Variants in CRACD observed in about 807,000 individuals in gnomAD.
The protein encoded by CRACD is capping protein inhibiting regulator of actin dynamics.
Under a neutral mutation model 106.8 loss-of-function variants are expected in CRACD, and 56 were observed. The ratio of observed to expected loss-of-function variants is 0.52; its 90% CI spans 0.42 to 0.66. The LOEUF (loss-of-function observed/expected upper bound fraction) is 0.66, where lower values mean the gene tolerates loss of function less well. Ranked by LOEUF, CRACD falls within the 30% of genes least tolerant of loss-of-function variation. CRACD has a pLI of 0.00. For missense variants in CRACD, 1,730 were observed against 1,623.2 expected (o/e 1.07, Z -1.13); for synonymous variants, 754 against 670.8 (o/e 1.12, Z -1.92).
At chr4:56,267,155 C>G (rs1295376387) in intron 2 of CRACD, among the ~76,000 whole-genome samples, 1 of 150,856 alleles carries the variant, frequency 6.6e-6, no homozygotes, top group East Asian at 1.9e-4. Context: ...GAGTCTCGCA[C>G]TGTCGCTCGG....
chr4:56,201,524 A>C (rs1169869464), intron 2 of CRACD, among the ~76,000 whole-genome samples: 1 of 152,182 alleles, frequency 6.6e-6, no homozygotes, highest in East Asian at 1.9e-4. Context: ...CTGAGCAGTG[A>C]GCATGTAAGA....
chr4:56,316,425 T>C lies in CRACD; in HGVS notation c.2923T>C (p.Ser975Pro), dbSNP rs778081617. The C allele has an allele frequency of 1.6e-4, 259 of 1,613,876 alleles. No individual in the cohort carries two copies. The highest frequency in any genetic ancestry group is 2.1e-4 in the Non-Finnish European group (251 of 1,179,956). Residue 975 changes from serine (S) to proline (P), a missense_variant, in exon 8 of 11, where the codon TCC becomes CCC. This residue lies in a region of CRACD where 1,620 missense variants were observed against 1,481.6 expected (regional missense o/e 1.09). Transcript: ENST00000682029. Reference sequence around the variant, plus strand: ...GCCCACCAGTCAGACCCCACCAGCATCCCCACTTTCCAAACTGAGCAGGCC... The same window carrying C: ...GCCCACCAGTCAGACCCCACCAGCACCCCCACTTTCCAAACTGAGCAGGCC... ...PKPTSQTPPA[S>P]PLSKLSRPYL...
intron 2 of CRACD, among the ~76,000 whole-genome samples, chr4:56,267,052 A>G (rs973940273): frequency 1.3e-5 from 2 of 152,216 alleles, no homozygotes; most frequent in East Asian, 1.9e-4. Context: ...CAGGAAGTCA[A>G]TGCTAGAAAA....
Position 56,259,230 on chromosome 4 carries a change from C to T in CRACD, c.-188-13091C>T, listed in dbSNP as rs73817434. 9.1e-4 allele frequency among the ~76,000 whole-genome samples: 138 copies of T among 152,124 alleles called. 2 individuals are homozygous for T. Among genetic ancestry groups the T allele is most frequent in the African/African-American group, 3.2e-3 (131 of 41,520 alleles). On this transcript the variant is annotated intron_variant, in intron 2 of 10. Transcript: ENST00000682029. ...GGTCTGCATGACTCACTTCATCTAC[C>T]GGATGGTCAAGCTGGCACCATTGTG...
chr4:56,169,004 T>C (rs926790326), intron 1 of CRACD, among the ~76,000 whole-genome samples: 7 of 152,146 alleles, frequency 4.6e-5, no homozygotes, highest in African/African-American at 1.4e-4. Flanking sequence ...AGTCAAATTA[T>C]TTAAGGTTAC....
At chr4:56,062,710 C>T (rs1045456258) in intron 1 of CRACD, among the ~76,000 whole-genome samples, 2 of 152,154 alleles carry the variant, frequency 1.3e-5, no homozygotes, top group African/African-American at 4.8e-5. Flanking sequence ...GCCTTGTTTC[C>T]TTGGATGGGA....
chr4:56,140,546 A>G (rs1735157870), intron 1 of CRACD, among the ~76,000 whole-genome samples: 1 of 152,072 alleles, frequency 6.6e-6, no homozygotes. Context: ...ATGAATTTTT[A>G]TTTCTTATTC....
intron 1 of CRACD, among the ~76,000 whole-genome samples, chr4:56,149,519 C>T (rs1052170941): frequency 5.9e-5 from 9 of 152,134 alleles, no homozygotes; most frequent in African/African-American, 2.2e-4. Context: ...TAAATTTGCA[C>T]ATAAAACTCC....
At chr4:56,051,031 G>C (rs552626652) in intron 1 of CRACD, among the ~76,000 whole-genome samples, 1 of 152,100 alleles carries the variant, frequency 6.6e-6, no homozygotes, top group Non-Finnish European at 1.5e-5. Context: ...TATTATTATC[G>C]CTAGATGAGG....
intron 2 of CRACD, among the ~76,000 whole-genome samples, chr4:56,264,645 A>C (rs1030810092): frequency 2.0e-5 from 3 of 152,228 alleles, no homozygotes; most frequent in South Asian, 2.1e-4. Context: ...GGCAACATAC[A>C]TCCTGAGCTT....
At chr4:56,264,681 A>C (rs543191190) in intron 2 of CRACD, among the ~76,000 whole-genome samples, 35 of 152,366 alleles carry the variant, frequency 2.3e-4, no homozygotes, top group African/African-American at 7.7e-4. Context: ...TTAAGAGATT[A>C]AAGTAAAGAC....
intron 1 of CRACD, among the ~76,000 whole-genome samples, chr4:56,056,780 G>T (rs1026894116): frequency 1.3e-5 from 2 of 151,852 alleles, no homozygotes; most frequent in African/African-American, 4.8e-5. Flanking sequence ...AAATAAAAAA[G>T]TACATACTAG....
chr4:56,108,624 G>T (rs527322283), intron 1 of CRACD, among the ~76,000 whole-genome samples: 1 of 152,122 alleles, frequency 6.6e-6, no homozygotes, highest in African/African-American at 2.4e-5. Context: ...GGCTGGGCGC[G>T]CTGATATTTA....
chr4:56,299,789 C>T (rs10005459), intron 4 of CRACD, among the ~76,000 whole-genome samples: 103,905 of 151,050 alleles, frequency 0.69, 37,043 homozygotes, highest in East Asian at 0.91. Context: ...GGTCTGCTGG[C>T]TTCCACCTGT....
chr4:56,329,522 TG>T lies in CRACD; in HGVS notation c.*1719del, dbSNP rs1292174481. ...TGGCATGTGTGGTCAAGTGGATAGT[TG>T]TACTCTTGCAAGTTGGATTTAATAT... On this transcript the variant is annotated 3_prime_UTR_variant, in exon 11 of 11. Coordinates refer to ENST00000682029, the MANE Select transcript of CRACD (RefSeq NM_001393381.1). Among the ~76,000 whole-genome samples the T allele has an allele frequency of 2.6e-5, 4 of 152,218 alleles. No homozygotes were observed. The highest frequency in any genetic ancestry group is 9.6e-5 in the African/African-American group (4 of 41,462).
chr4:56,189,685 G>A (rs1737274299), intron 2 of CRACD, among the ~76,000 whole-genome samples: 2 of 150,526 alleles, frequency 1.3e-5, no homozygotes, highest in African/African-American at 4.9e-5. Flanking sequence ...TACTGAGAAT[G>A]ATGGTTTCCA....
At chr4:56,264,896 AC>A (rs1242174802) in intron 2 of CRACD, among the ~76,000 whole-genome samples, 8 of 152,204 alleles carry the variant, frequency 5.3e-5, no homozygotes, top group African/African-American at 1.9e-4. Context: ...GGGGTCCCTG[AC>A]TTCCCGCAAC....
chr4:56,127,085 G>C (rs1218446283), intron 1 of CRACD, among the ~76,000 whole-genome samples: 1 of 152,128 alleles, frequency 6.6e-6, no homozygotes. Flanking sequence ...GAGTAGGTTA[G>C]GTGCTCTTAT....
intron 1 of CRACD, among the ~76,000 whole-genome samples, chr4:56,175,602 A>C (rs1041810447): frequency 5.3e-5 from 8 of 152,190 alleles, no homozygotes; most frequent in African/African-American, 1.9e-4. Context: ...GTACACACAC[A>C]GGGTATCCTC....
Sources: gnomAD v4.1 joint callset for allele counts (sites outside exome capture counted in the v4.1 genomes callset) on GRCh38, gnomAD v4.1.1 for gene constraint, gnomAD v4.1.1 regional missense constraint, MANE v1.5 for transcripts, NCBI Gene and HGNC (gene_info 2026-07-23, HGNC 2026-07-21) for gene names.